RBFOX1: variants seen among roughly 807,000 people sequenced by gnomAD.
RBFOX1 encodes RNA binding fox-1 homolog 1.
RBFOX1 carries 8 observed loss-of-function variants against 57.7 expected under a neutral mutation model. The observed-to-expected ratio is 0.14, with a 90% CI of 0.08 to 0.25. The LOEUF is 0.25. Ranked by LOEUF, RBFOX1 falls within the 10% of genes least tolerant of loss-of-function variation. The pLI is 1.00. For synonymous variants in RBFOX1, 326 were observed against 222.4 expected (o/e 1.47, Z -4.15); for missense variants, 611 against 548.5 (o/e 1.11, Z -1.14).
intron 3 of RBFOX1, among the ~76,000 whole-genome samples, chr16:6,974,586 C>G (rs959050217): frequency 6.6e-6 from 1 of 152,072 alleles, no homozygotes; most frequent in Non-Finnish European, 1.5e-5. Context: ...CTCAGGTGAT[C>G]TGCCCACCTC....
intron 7 of RBFOX1, among the ~76,000 whole-genome samples, chr16:7,594,786 G>C (rs1250835384): frequency 1.3e-5 from 2 of 152,110 alleles, no homozygotes; most frequent in South Asian, 4.2e-4. Flanking sequence ...TCCCTTTCTG[G>C]TTAACAAAGT....
rs753579831 is a variant in RBFOX1 at position 5,840,367 on chromosome 16, C to A, written c.319-26936C>A. 4.6e-5 allele frequency among the ~76,000 whole-genome samples: 7 copies of A among 152,160 alleles called. No individual in the cohort carries two copies. The East Asian group carries it at 7.7e-4, about 17-fold the overall frequency. On this transcript the variant is annotated intron_variant, in intron 3 of 19. Coordinates refer to the RBFOX1 transcript ENST00000641259. ...AACAAAGCCACACCCAGAGAGGCCA[C>A]CCCCTGTCCCCAGCGTCTGAGGGCG... is the stretch of plus-strand genomic sequence containing the variant.
intron 1 of RBFOX1, among the ~76,000 whole-genome samples, chr16:6,257,953 C>G (rs1470752577): frequency 6.6e-6 from 1 of 152,058 alleles, no homozygotes; most frequent in African/African-American, 2.4e-5. Flanking sequence ...AATGGGATTG[C>G]TGAGTCAGAT....
At chr16:6,484,326 CTG>C (rs1382695624) in intron 2 of RBFOX1, among the ~76,000 whole-genome samples, 3 of 152,168 alleles carry the variant, frequency 2.0e-5, no homozygotes, top group African/African-American at 7.2e-5. Context: ...CGCTGCATAT[CTG>C]TGTAAACATG....
At chr16:6,028,157 C>G (rs752756423) in intron 1 of RBFOX1, among the ~76,000 whole-genome samples, 1 of 152,132 alleles carries the variant, frequency 6.6e-6, no homozygotes, top group Non-Finnish European at 1.5e-5. Flanking sequence ...CATGGCATGG[C>G]TCACTTTTAC....
intron 4 of RBFOX1, among the ~76,000 whole-genome samples, chr16:7,390,143 C>G (rs1217256752): frequency 1.3e-5 from 2 of 152,076 alleles, no homozygotes; most frequent in Non-Finnish European, 2.9e-5. Flanking sequence ...ACAAACAGCT[C>G]TTGTGAAAAC....
chr16:7,504,427 C>T (rs1200177990), intron 4 of RBFOX1, among the ~76,000 whole-genome samples: 1 of 151,556 alleles, frequency 6.6e-6, no homozygotes, highest in East Asian at 2.0e-4. Context: ...TTTTTGACAA[C>T]CTCTAATTTT....
At chr16:7,653,403 G>T (rs1198719806) in intron 11 of RBFOX1, among the ~76,000 whole-genome samples, 1 of 152,188 alleles carries the variant, frequency 6.6e-6, no homozygotes, top group Non-Finnish European at 1.5e-5. Flanking sequence ...CTACTTGGGA[G>T]GCTGAGGTAG....
intron 1 of RBFOX1, among the ~76,000 whole-genome samples, chr16:6,049,308 C>T (rs1225396781): frequency 7.3e-6 from 1 of 137,214 alleles, no homozygotes. Context: ...GGGTGATCCA[C>T]CCACCTCAGT....
intron 1 of RBFOX1, among the ~76,000 whole-genome samples, chr16:6,165,646 G>A (rs936910019): frequency 2.6e-5 from 4 of 152,168 alleles, no homozygotes; most frequent in Non-Finnish European, 2.9e-5. Context: ...TGCCTGCTTC[G>A]TTTGAATTTT....
At chr16:5,709,841 ATATTTTTTTTTTTTTTTTTT>A (rs1453728626) in intron 3 of RBFOX1, among the ~76,000 whole-genome samples, 1 of 5,702 alleles carries the variant, frequency 1.8e-4, no homozygotes, top group East Asian at 0.014. Context: ...ATATATATAT[ATATTTTTTTTTTTTTTTTTT>A]TTTTTTTTTT....
In RBFOX1 at chr16:5,243,538, C is replaced by T. The variant is rs142386607; in HGVS notation, c.219+3433C>T. Among the ~76,000 whole-genome samples, 112 of 152,266 alleles carry T rather than the reference C, an allele frequency of 7.4e-4. 1 individual carries two copies. The East Asian group carries it at 0.02, about 27-fold the overall frequency. On this transcript the variant is annotated intron_variant, in intron 1 of 2. Coordinates refer to the RBFOX1 transcript ENST00000585867. ...GTCCCGTGTATTGTAGGATGGTTAG[C>T]GGCATCTGTGGTCTCCATCCTCTAG... is the stretch of plus-strand genomic sequence containing the variant.
intron 4 of RBFOX1, among the ~76,000 whole-genome samples, chr16:7,182,992 C>G (rs955059107): frequency 4.6e-5 from 7 of 152,180 alleles, no homozygotes; most frequent in African/African-American, 1.2e-4. Flanking sequence ...TTCCTGAGAG[C>G]TAAGCCTTAT....
At chr16:6,363,819 T>A (rs1600133521) in intron 2 of RBFOX1, among the ~76,000 whole-genome samples, 1 of 152,240 alleles carries the variant, frequency 6.6e-6, no homozygotes, top group Admixed American at 6.5e-5. Flanking sequence ...TACTTTTTAA[T>A]GAAGTCTGTC....
chr16:6,176,039 G>T (rs1027965921), intron 1 of RBFOX1, among the ~76,000 whole-genome samples: 1 of 152,082 alleles, frequency 6.6e-6, no homozygotes, highest in Non-Finnish European at 1.5e-5. Flanking sequence ...GAGGCTAATG[G>T]ACCACCAGGC....
At chr16:7,658,036 G>A (rs537286098) in intron 12 of RBFOX1, among the ~76,000 whole-genome samples, 2 of 152,282 alleles carry the variant, frequency 1.3e-5, no homozygotes, top group East Asian at 3.9e-4. Flanking sequence ...GAGAGTGGGG[G>A]ATATATCTGC....
At chr16:6,118,761 C>G (rs1025452045) in intron 1 of RBFOX1, among the ~76,000 whole-genome samples, 7 of 149,568 alleles carry the variant, frequency 4.7e-5, no homozygotes, top group Non-Finnish European at 7.4e-5. Context: ...TTCCTTCTCT[C>G]TTTCTCCCTC....
chr16:5,310,274 C>A (rs1413525663), intron 1 of RBFOX1, among the ~76,000 whole-genome samples: 1 of 152,086 alleles, frequency 6.6e-6, no homozygotes, highest in African/African-American at 2.4e-5. Flanking sequence ...TAGTAGTGCA[C>A]ACCTGTAGTC....
chr16:7,047,440 G>A (rs1344966854), intron 3 of RBFOX1, among the ~76,000 whole-genome samples: 6 of 151,982 alleles, frequency 3.9e-5, no homozygotes, highest in Non-Finnish European at 8.8e-5. Context: ...GAATTGTTGG[G>A]CCCTTACAAG....
Sources: allele counts gnomAD v4.1 joint callset (sites outside exome capture counted in the v4.1 genomes callset), GRCh38; gene constraint gnomAD v4.1.1; transcripts MANE v1.5; gene names NCBI Gene and HGNC (gene_info 2026-07-23, HGNC 2026-07-21).